Variants in CAD observed in about 807,000 individuals in gnomAD.
CAD encodes the protein multifunctional protein CAD.
In CAD, 81 loss-of-function variants were observed where a neutral mutation model predicts 237.2. The observed-to-expected ratio is 0.34, with a 90% CI of 0.29 to 0.41. The LOEUF is 0.41. CAD is among the 10% of genes least tolerant of loss of function. The probability of loss-of-function intolerance (pLI) is 1.00; values close to 1 mark genes in which losing one functional copy is unlikely to be tolerated. For synonymous variants in CAD, 1,196 were observed against 1,162.8 expected (o/e 1.03, Z -0.58); for missense variants, 2,181 against 2,951.7 (o/e 0.74, Z 6.05).
chr2:27,221,057 G>A (rs895149209), intron 2 of CAD, among the ~76,000 whole-genome samples, 161 bp from the exon 3 acceptor site: 13 of 152,156 alleles, frequency 8.5e-5, no homozygotes, highest in South Asian at 2.1e-4. Flanking sequence ...AGGAGAGAGC[G>A]TTGTTGGTAA....
At position 27,238,160 on chromosome 2, in the gene CAD, C is replaced by G. The variant is rs770518336; in HGVS notation, c.4833C>G (p.His1611Gln). 6.2e-7 allele frequency: 1 copy of G among 1,614,136 alleles called. No homozygotes were observed. The highest frequency in any genetic ancestry group is 1.1e-5 in the South Asian group (1 of 91,082). Residue 1611 changes from histidine to glutamine, a missense_variant, in exon 30 of 44, where the codon CAC becomes CAG. By Grantham distance (24) the His-to-Gln change is conservative. Coordinates refer to ENST00000264705, the MANE Select transcript of CAD (RefSeq NM_004341.5). ...MVAQLTQRSV[H>Q]ICHVARKEEI... is the part of the protein sequence containing the mutation. Reference sequence around the variant, plus strand: ...CTCAGCTCACTCAGCGCTCAGTGCACATATGTCACGTGGCACGGAAGGAGG... The same window carrying G: ...CTCAGCTCACTCAGCGCTCAGTGCAGATATGTCACGTGGCACGGAAGGAGG...
chr2:27,230,977 T>C (rs1292152424), intron 15 of CAD, among the ~76,000 whole-genome samples: 1 of 152,224 alleles, frequency 6.6e-6, no homozygotes, highest in Non-Finnish European at 1.5e-5. Flanking sequence ...GGAAAAGAGC[T>C]ATAAGTTAAG....
At chr2:27,220,369 G>A (rs903417575) in intron 2 of CAD, among the ~76,000 whole-genome samples, 2 of 152,070 alleles carry the variant, frequency 1.3e-5, no homozygotes, top group African/African-American at 2.4e-5. Context: ...AGAAAGAGGC[G>A]GGGCGCGGTA....
rs989525537 is a variant in CAD at position 27,217,384 on chromosome 2, C to T, written c.-168C>T. 4 of 638,144 alleles carry T rather than the reference C, an allele frequency of 6.3e-6. No homozygotes were observed. Among genetic ancestry groups the T allele is most frequent in the African/African-American group, 1.9e-5 (1 of 52,090 alleles). 39.5% of individuals were successfully genotyped at this position (638,144 alleles called of 1,614,324 possible). On this transcript the variant is annotated 5_prime_UTR_variant, in exon 1 of 44. Transcript: ENST00000264705. ...GCGCCGCCGCAGTCTCTGCTGCTGC[C>T]GCCAAGCGCGCCCGAGGCTCCTACG...
chr2:27,243,359 A>AAG (rs1267386955), intron 43 of CAD, 57 bp from the exon 44 acceptor site: 39 of 1,606,228 alleles, frequency 2.4e-5, no homozygotes, highest in East Asian at 2.2e-5. Context: ...AGTCCTGGAC[A>AAG]AGCCATCCAT....
At chr2:27,226,351 G>C in intron 13 of CAD, 32 bp downstream of exon 13, 1 of 1,601,388 alleles carries the variant, frequency 6.2e-7, no homozygotes, top group Non-Finnish European at 8.6e-7. Context: ...TGATAGTCTA[G>C]TTGTTACCCC....
chr2:27,221,780 T>C (rs73921476), intron 3 of CAD, among the ~76,000 whole-genome samples: 1,364 of 118,802 alleles, frequency 0.011, 10 homozygotes, highest in South Asian at 0.041. Context: ...TTTTTTTTTT[T>C]CTGTTCATTT....
Position 27,236,998 on chromosome 2 carries a change from C to T in CAD, c.4396+168C>T, listed in dbSNP as rs1676044373. On this transcript the variant is annotated intron_variant, in intron 27 of 43. Transcript: ENST00000264705. The surrounding 1 kb of genome is among the most constrained non-coding windows in gnomAD (Gnocchi z 4.1). ...TTCATTCCTTAATCCACAGTGTCCACAGTGGCCTTGTCTGAGGAATTTTTT... is the reference window on the plus strand; with the variant it reads ...TTCATTCCTTAATCCACAGTGTCCATAGTGGCCTTGTCTGAGGAATTTTTT... 6.6e-6 allele frequency among the ~76,000 whole-genome samples: 1 copy of T among 151,050 alleles called. No homozygotes were observed. The highest frequency in any genetic ancestry group is 2.4e-5 in the African/African-American group (1 of 40,900).
chr2:27,223,099 GA>G, intron 6 of CAD, 62 bp downstream of exon 6: 2 of 1,537,488 alleles, frequency 1.3e-6, no homozygotes, highest in Non-Finnish European at 1.8e-6. Context: ...GGTGTCTCAG[GA>G]ATGAGAAGAG....
At position 27,240,596 on chromosome 2, in the gene CAD, C is replaced by A; in HGVS notation, c.5593+235C>A. On this transcript the variant is annotated intron_variant, in intron 35 of 43. Transcript: ENST00000264705. This position sits in a 1 kb window ranked among gnomAD's most constrained non-coding sequence, Gnocchi z 4.6. ...GTTCCTCCGCCCAGGAGCTGGGATC[C>A]CACGGGGCAGCAGAGCGTGGGGTAA... The A allele has an allele frequency of 6.5e-7, 1 of 1,545,160 alleles. No homozygotes were observed. Among genetic ancestry groups the A allele is most frequent in the Non-Finnish European group, 8.7e-7 (1 of 1,143,906 alleles).
rs1009969489 is a variant in CAD, at chr2:27,242,091, G to A, written c.6064G>A (p.Val2022Met). 1.2e-6 allele frequency: 2 copies of A among 1,612,978 alleles called. No homozygotes were observed. The highest frequency in any genetic ancestry group is 1.7e-6 in the Non-Finnish European group (2 of 1,180,026). ...QTMSCYADVV[V>M]LRHPQPGAVE... ...CATGAGCTGCTATGCCGACGTCGTCGTGCTCCGGCACCCCCAGCCTGGAGC... is the reference window on the plus strand; with the variant it reads ...CATGAGCTGCTATGCCGACGTCGTCATGCTCCGGCACCCCCAGCCTGGAGC... Residue 2022 changes from valine to methionine, a missense_variant, in exon 39 of 44, where the codon GTG (valine) becomes ATG (methionine). Val to Met is a conservative substitution (Grantham distance 21). This residue lies in a region of CAD where 203 missense variants were observed against 284.5 expected (regional missense o/e 0.71). Coordinates refer to ENST00000264705, the MANE Select transcript of CAD (RefSeq NM_004341.5). This position sits in a 1 kb window ranked among gnomAD's most constrained non-coding sequence, Gnocchi z 6.4.
intron 11 of CAD, 109 bp from the exon 12 acceptor site, chr2:27,225,596 G>A: frequency 1.1e-6 from 1 of 883,492 alleles, no homozygotes; most frequent in Non-Finnish European, 1.8e-6. Flanking sequence ...ACAGGCGTGA[G>A]CCACTATGCC....
Position 27,242,135 on chromosome 2 carries a change from C to T in CAD, c.6096+12C>T. The stretch of plus-strand genomic sequence containing the variant: ...CTGGAGCAGTGGAGGTGAGGCCAGC[C>T]TGGGTACTGAGATGGGGTTAAGAAG... On this transcript the variant is annotated intron_variant, in intron 39 of 43. Transcript: ENST00000264705. The surrounding 1 kb of genome is among the most constrained non-coding windows in gnomAD (Gnocchi z 6.4). 1 of 1,611,594 alleles carries T rather than the reference C, an allele frequency of 6.2e-7. No homozygotes were observed. Among genetic ancestry groups the T allele is most frequent in the Non-Finnish European group, 8.5e-7 (1 of 1,179,412 alleles).
chr2:27,222,091 T>A lies in CAD; in HGVS notation c.353-103T>A, dbSNP rs1446258044. 1.0e-5 allele frequency: 12 copies of A among 1,145,220 alleles called. No individual in the cohort carries two copies. In the African/African-American group the frequency reaches 1.8e-4, roughly 18 times the overall value. The allele number at this position is 1,145,220 out of a possible 1,614,324, so 70.9% of individuals were successfully genotyped here. On this transcript the variant is annotated intron_variant, in intron 3 of 43. Coordinates refer to ENST00000264705, the MANE Select transcript of CAD (RefSeq NM_004341.5). ...AGGATTTTGATGCACATAGAACAGC[T>A]GTGTGTGACTGGGGCTCTGGAATGG... is the stretch of plus-strand genomic sequence containing the variant.
At position 27,240,734 on chromosome 2, in the gene CAD, G is replaced by A. The variant is rs565689453; in HGVS notation, c.5594-177G>A. The stretch of plus-strand genomic sequence containing the variant: ...GCTCCCATACAACACAGCCCCATGG[G>A]AAGCCACCTGTCTGTCCCCAGAGCT... On this transcript the variant is annotated intron_variant, in intron 35 of 43. Coordinates refer to ENST00000264705, the MANE Select transcript of CAD (RefSeq NM_004341.5). This position sits in a 1 kb window ranked among gnomAD's most constrained non-coding sequence, Gnocchi z 4.6. The A allele has an allele frequency of 6.5e-4, 804 of 1,237,276 alleles. 6 individuals are homozygous for A. The highest frequency in any genetic ancestry group is 3.3e-3 in the Middle Eastern group (13 of 3,990). 76.6% of individuals were successfully genotyped at this position (1,237,276 alleles called of 1,614,324 possible).
Position 27,222,609 on chromosome 2 carries a change from C to T in CAD, c.586C>T (p.Arg196Cys). The T allele has an allele frequency of 1.9e-6, 3 of 1,614,118 alleles. No individual in the cohort carries two copies. Among genetic ancestry groups the T allele is most frequent in the East Asian group, 2.2e-5 (1 of 44,880 alleles). ...TAATCAGATCCGATGCCTCTGCCAG[C>T]GTGGGGCTGAGGTCACTGTGGTACC... The part of the protein sequence containing the change: ...KYNQIRCLCQ[R>C]GAEVTVVPWD... Residue 196 changes from arginine to cysteine, a missense_variant, in exon 5 of 44, where the codon CGT becomes TGT. By Grantham distance (180) the Arg-to-Cys change is radical. Coordinates refer to ENST00000264705, the MANE Select transcript of CAD (RefSeq NM_004341.5).
chr2:27,221,184 C>T lies in CAD; in HGVS notation c.223-34C>T, dbSNP rs1385776121. The stretch of plus-strand genomic sequence containing the variant: ...AAAATGCTGCAAAGAAATAACTTGG[C>T]CTGAGGCTTCTCACAATCTCTTTCC... On this transcript the variant is annotated intron_variant, in intron 2 of 43. Coordinates refer to ENST00000264705, the MANE Select transcript of CAD (RefSeq NM_004341.5). 9 of 1,487,546 alleles carry T rather than the reference C, an allele frequency of 6.1e-6. No homozygotes were observed. In the Admixed American group the frequency reaches 6.2e-5, roughly 10 times the overall value. The allele number at this position is 1,487,546 out of a possible 1,614,324, so 92.1% of individuals were successfully genotyped here. A position where few individuals can be genotyped will look rare whatever the true frequency, so the allele number is the denominator to read the frequency against.
At chr2:27,238,947 A>C (rs1247105337) in intron 31 of CAD, 95 bp from the exon 32 acceptor site, 2 of 1,182,620 alleles carry the variant, frequency 1.7e-6, no homozygotes, top group East Asian at 2.4e-5. Context: ...GGTAGTGAGC[A>C]TAAGGAGGTT....
At chr2:27,221,753 A>C (rs998736016) in intron 3 of CAD, among the ~76,000 whole-genome samples, 1 of 103,494 alleles carries the variant, frequency 9.7e-6, no homozygotes, top group African/African-American at 4.3e-5. Context: ...AAATTTCCCA[A>C]TTTTTTTTTT....
Sources: allele counts gnomAD v4.1 joint callset (sites outside exome capture counted in the v4.1 genomes callset), GRCh38; gene constraint gnomAD v4.1.1; regional missense constraint gnomAD v4.1.1; non-coding constraint Gnocchi (gnomAD v3.1); transcripts MANE v1.5; gene names NCBI Gene and HGNC (gene_info 2026-07-23, HGNC 2026-07-21).